The following ZNF695 variants were observed in gnomAD, a reference collection of about 807,000 sequenced individuals.
ZNF695 encodes the protein zinc finger protein 695, also known as zinc finger protein SBZF3.
Under a neutral mutation model 11.2 loss-of-function variants are expected in ZNF695, and 11 were observed. The observed-to-expected ratio is 0.98, with a 90% CI of 0.62 to 1.62. The LOEUF (loss-of-function observed/expected upper bound fraction) is 1.62. Ranked by LOEUF, ZNF695 falls within the 40% of genes most tolerant of loss-of-function variation. The pLI is 0.00. For missense variants in ZNF695, 559 were observed against 590.5 expected, an observed-to-expected ratio of 0.95 and a Z score of 0.55; for synonymous variants, 190 against 201.4, an observed-to-expected ratio of 0.94 and a Z score of 0.48.
intron 3 of ZNF695, among the ~76,000 whole-genome samples, chr1:246,995,567 T>A (rs1400726754): frequency 6.6e-6 from 1 of 152,110 alleles, no homozygotes; most frequent in Non-Finnish European, 1.5e-5. Context: ...CAGTGGCTCA[T>A]GCCTGTAATC....
At position 246,999,425 on chromosome 1, in the gene ZNF695, T is replaced by C. The variant is rs1192066275; in HGVS notation, c.182A>G (p.Lys61Arg). 5 of 1,613,916 alleles carry C rather than the reference T, an allele frequency of 3.1e-6. No homozygotes were observed. Among genetic ancestry groups the C allele is most frequent in the Non-Finnish European group, 4.2e-6 (5 of 1,179,906 alleles). Reference protein sequence around the residue: ...QFLFHSLAMSKPELIICLEAR... With the variant: ...QFLFHSLAMSRPELIICLEAR... ...CTCCAGACAGATGATCAGTTCTGGCTTAGACATAGCAAGACCTGTTTTATT... is the reference window on the plus strand; with the variant it reads ...CTCCAGACAGATGATCAGTTCTGGCCTAGACATAGCAAGACCTGTTTTATT... The change falls in exon 3 of 4, where the codon AAG (lysine) becomes AGG (arginine). Residue 61 changes from lysine to arginine, a missense_variant. Physicochemically the swap from Lys to Arg is conservative, Grantham distance 26. Transcript: ENST00000339986.
At chr1:246,961,208 TAC>T (rs1157744243) in intron 5 of ZNF695, among the ~76,000 whole-genome samples, 33 of 152,176 alleles carry the variant, frequency 2.2e-4, no homozygotes, top group Admixed American at 2.0e-3. Context: ...AAAAATTATA[TAC>T]GTTACTCCAC....
intron 4 of ZNF695, among the ~76,000 whole-genome samples, chr1:246,973,834 T>G (rs10924878): frequency 6.6e-6 from 1 of 152,040 alleles, no homozygotes; most frequent in East Asian, 1.9e-4. Context: ...CCACAGCTGG[T>G]GCATCTTAAG....
At chr1:246,989,252 T>A (rs930852752) in intron 3 of ZNF695, among the ~76,000 whole-genome samples, 5 of 151,848 alleles carry the variant, frequency 3.3e-5, no homozygotes, top group Admixed American at 6.6e-5. Flanking sequence ...GCAACAAGAG[T>A]GAAACTTTGT....
At chr1:246,967,470 T>A in intron 5 of ZNF695, 1 of 454,228 alleles carries the variant, frequency 2.2e-6, no homozygotes, top group Admixed American at 2.4e-5. Context: ...GAATGGGGGA[T>A]AAAAGAGAAA....
intron 4 of ZNF695, among the ~76,000 whole-genome samples, chr1:246,975,908 A>G (rs1367251042): frequency 6.6e-6 from 1 of 152,234 alleles, no homozygotes; most frequent in East Asian, 1.9e-4. Flanking sequence ...AGGCGAAGAG[A>G]ACAACTTATT....
intron 4 of ZNF695, among the ~76,000 whole-genome samples, chr1:246,976,689 G>C (rs1357423914): frequency 6.6e-6 from 1 of 152,030 alleles, no homozygotes; most frequent in Non-Finnish European, 1.5e-5. Flanking sequence ...AGCTACTCGG[G>C]AGGCTGAGGC....
intron 1 of ZNF695, among the ~76,000 whole-genome samples, chr1:247,006,252 C>G (rs1669533509): frequency 6.6e-6 from 1 of 150,832 alleles, no homozygotes; most frequent in Admixed American, 6.6e-5. Context: ...AAAAAAAGCC[C>G]ATTCATTGCA....
chr1:246,993,800 A>C (rs1669112810), intron 3 of ZNF695, among the ~76,000 whole-genome samples: 1 of 152,234 alleles, frequency 6.6e-6, no homozygotes, highest in South Asian at 2.1e-4. Flanking sequence ...TAAAAAGTAT[A>C]AAAAGAAATA....
rs1194490294 is a variant in ZNF695 at position 246,985,936 on chromosome 1, T to C, written c.*1031A>G. The C allele has an allele frequency of 3.0e-6, 3 of 985,316 alleles. No individual in the cohort carries two copies. Among genetic ancestry groups the C allele is most frequent in the South Asian group, 4.7e-5 (1 of 21,286 alleles). The allele number at this position is 985,316 out of a possible 1,614,324, so 61.0% of individuals were successfully genotyped here. ...TCTCACAGCTTTCATGTAGCAACAG[T>C]AGGCCTCATGCCTTCACATAAACAC... On this transcript the variant is annotated 3_prime_UTR_variant, in exon 4 of 4. Coordinates refer to ENST00000339986, the MANE Select transcript of ZNF695 (RefSeq NM_020394.5).
At chr1:246,988,829 G>C (rs553683648) in intron 3 of ZNF695, among the ~76,000 whole-genome samples, 2 of 152,042 alleles carry the variant, frequency 1.3e-5, no homozygotes, top group African/African-American at 4.8e-5. Flanking sequence ...GGTGGCTCAC[G>C]CCTGTAATCC....
At position 246,999,331 on chromosome 1, in the gene ZNF695, C is replaced by G; in HGVS notation, c.259+17G>C. Reference sequence around the variant, plus strand: ...CTTCAACCCCTACCTGTGTTCGCTTCATTCACTCCCACCTACCTGAGTGTC... The same window carrying G: ...CTTCAACCCCTACCTGTGTTCGCTTGATTCACTCCCACCTACCTGAGTGTC... On this transcript the variant is annotated intron_variant, in intron 3 of 3. Transcript: ENST00000339986. 1 of 1,598,350 alleles carries G rather than the reference C, an allele frequency of 6.3e-7. No homozygotes were observed. The highest frequency in any genetic ancestry group is 8.6e-7 in the Non-Finnish European group (1 of 1,165,722).
chr1:246,973,751 G>A (rs1288530328), intron 4 of ZNF695, among the ~76,000 whole-genome samples: 3 of 152,106 alleles, frequency 2.0e-5, no homozygotes, highest in Non-Finnish European at 4.4e-5. Context: ...AAGATCAGAG[G>A]GGTTAAAAAC....
intron 4 of ZNF695, among the ~76,000 whole-genome samples, chr1:246,974,163 A>AC (rs371388864): frequency 6.1e-4 from 83 of 136,710 alleles, no homozygotes; most frequent in African/African-American, 2.4e-3. Flanking sequence ...CAAACAAACA[A>AC]AAAAAAACAA....
At position 246,987,244 on chromosome 1, in the gene ZNF695, G is replaced by C. The variant is rs962434421; in HGVS notation, c.1271C>G (p.Thr424Ser). Residue 424 changes from threonine (T) to serine (S), a missense_variant, in exon 4 of 4, where the codon ACT becomes AGT. Coordinates refer to ENST00000339986, the MANE Select transcript of ZNF695 (RefSeq NM_020394.5). ...GKAFTWFSYL[T>S]QHKRIHTGEK... ...TCCAGTATGAATTCTCTTATGTTGA[G>C]TAAGGTATGAAAACCAGGTAAAAGC... 1.2e-6 allele frequency: 2 copies of C among 1,613,886 alleles called. No individual in the cohort carries two copies. The highest frequency in any genetic ancestry group is 1.7e-6 in the Non-Finnish European group (2 of 1,179,972).
chr1:246,956,649 G>T (rs557559709), intron 5 of ZNF695, among the ~76,000 whole-genome samples: 1 of 151,946 alleles, frequency 6.6e-6, no homozygotes, highest in Non-Finnish European at 1.5e-5. Context: ...GATAATTGGG[G>T]GTATGTTAAT....
Position 247,000,182 on chromosome 1 carries a change from G to A in ZNF695, c.4-108C>T, listed in dbSNP as rs1669323064. 4.4e-6 allele frequency: 4 copies of A among 901,376 alleles called. No individual in the cohort carries two copies. In the South Asian group the frequency reaches 7.8e-5, roughly 18 times the overall value. 55.8% of individuals were successfully genotyped at this position (901,376 alleles called of 1,614,324 possible). ...TGGCTCTGACTTATATGAGTGACTAGAATTATCAAATAAGATAATTTTTAA... is the reference window on the plus strand; with the variant it reads ...TGGCTCTGACTTATATGAGTGACTAAAATTATCAAATAAGATAATTTTTAA... On this transcript the variant is annotated intron_variant, in intron 1 of 3. Coordinates refer to ENST00000339986, the MANE Select transcript of ZNF695 (RefSeq NM_020394.5).
At chr1:246,968,274 A>G (rs1409033476) in intron 4 of ZNF695, 1 of 152,282 alleles carries the variant, frequency 6.6e-6, no homozygotes, top group Non-Finnish European at 1.5e-5. Flanking sequence ...GGCCCCATGC[A>G]AGTCCGAAAC....
chr1:246,955,074 C>T lies in ZNF695; in HGVS notation c.489-9247G>A, dbSNP rs554028997. ...GGGAGTTTTTCCCATACAGTTCTCA[C>T]GACAGTGAATAAGTCTGCACGTGCT... On this transcript the variant is annotated intron_variant, in intron 5 of 5. Coordinates refer to the ZNF695 transcript ENST00000487338. Among the ~76,000 whole-genome samples, 6 of 152,224 alleles carry T rather than the reference C, an allele frequency of 3.9e-5. No homozygotes were observed. In the South Asian group the frequency reaches 1.0e-3, roughly 26 times the overall value.
Sources: gnomAD v4.1 joint callset for allele counts (sites outside exome capture counted in the v4.1 genomes callset) on GRCh38, gnomAD v4.1.1 for gene constraint, MANE v1.5 for transcripts, NCBI Gene and HGNC (gene_info 2026-07-23, HGNC 2026-07-21) for gene names.